OTOG: variants seen among roughly 807,000 people sequenced by gnomAD.
The protein encoded by OTOG is otogelin.
Under a neutral mutation model 313.8 loss-of-function variants are expected in OTOG, and 296 were observed. The ratio of observed to expected loss-of-function variants is 0.94; its 90% CI spans 0.86 to 1.04. OTOG has a LOEUF of 1.04. OTOG is among the 50% of genes least tolerant of loss of function. The pLI is 0.00. For synonymous variants in OTOG, 1,533 were observed against 1,554.9 expected, an observed-to-expected ratio of 0.99 and a Z score of 0.33; for missense variants, 3,948 against 3,840.1, an observed-to-expected ratio of 1.03 and a Z score of -0.74.
intron 15 of OTOG, among the ~76,000 whole-genome samples, chr11:17,563,391 G>A (rs1386883136): frequency 6.6e-6 from 1 of 152,234 alleles, no homozygotes; most frequent in Admixed American, 6.5e-5. Context: ...AGCTGAAGGT[G>A]TCACTCCATG....
At chr11:17,612,404 C>T (rs1401343233) in intron 37 of OTOG, 74 bp downstream of exon 37, 1 of 1,463,920 alleles carries the variant, frequency 6.8e-7, no homozygotes, top group East Asian at 2.5e-5. Flanking sequence ...CATCCCTGAT[C>T]TGTGTGTCCC....
At position 17,548,164 on chromosome 11, in the gene OTOG, G is replaced by C. The variant is rs376286628; in HGVS notation, c.168G>C (p.Gln56His). 32 of 1,548,102 alleles carry C rather than the reference G, an allele frequency of 2.1e-5. No individual in the cohort carries two copies. The highest frequency in any genetic ancestry group is 1.6e-4 in the South Asian group (13 of 83,546). ...GTGTTTCCTCCAGCAGCAGCCACCAGGAGGCGACCCTTGCCATGGGGGACA... is the reference window on the plus strand; with the variant it reads ...GTGTTTCCTCCAGCAGCAGCCACCACGAGGCGACCCTTGCCATGGGGGACA... ...EPAGQPSSSHQEATLAMGDKA... is the reference protein window; with the variant it reads ...EPAGQPSSSHHEATLAMGDKA... Residue 56 changes from glutamine to histidine, a missense_variant, in exon 3 of 56, where the codon CAG becomes CAC. Gln to His is a conservative substitution (Grantham distance 24, BLOSUM62 0). Coordinates refer to ENST00000399397, the MANE Select transcript of OTOG (RefSeq NM_001292063.2).
At chr11:17,552,533 C>T (rs1291662226) in intron 4 of OTOG, among the ~76,000 whole-genome samples, 3 of 138,840 alleles carry the variant, frequency 2.2e-5, no homozygotes, top group African/African-American at 9.1e-5. Context: ...CCTACCTCCC[C>T]CACCTGTCCT....
chr11:17,580,023 TA>T (rs1169925504), intron 23 of OTOG, among the ~76,000 whole-genome samples: 3 of 152,220 alleles, frequency 2.0e-5, no homozygotes, highest in Admixed American at 6.5e-5. Flanking sequence ...CTTGCTGGGA[TA>T]GGGCTCCCAA....
intron 32 of OTOG, among the ~76,000 whole-genome samples, chr11:17,604,391 G>T (rs1043876765): frequency 2.0e-5 from 3 of 152,174 alleles, no homozygotes; most frequent in Admixed American, 2.0e-4. Context: ...CCAGTGGAGC[G>T]GGCTGGGGCT....
At chr11:17,579,511 C>A (rs527697659) in intron 23 of OTOG, among the ~76,000 whole-genome samples, 1 of 152,250 alleles carries the variant, frequency 6.6e-6, no homozygotes, top group South Asian at 2.1e-4. Flanking sequence ...CCAAGCCCAG[C>A]CGCTGGCCCA....
chr11:17,644,948 C>T (rs532703107), intron 54 of OTOG, among the ~76,000 whole-genome samples: 13 of 152,136 alleles, frequency 8.5e-5, no homozygotes, highest in African/African-American at 3.1e-4. Context: ...GAGGTGAGGG[C>T]GTGAATGAGC....
Position 17,606,147 on chromosome 11 carries a change from C to T in OTOG, c.4156+12C>T, listed in dbSNP as rs1480434391. The T allele has an allele frequency of 2.0e-6, 3 of 1,517,862 alleles. No homozygotes were observed. The highest frequency in any genetic ancestry group is 2.7e-6 in the Non-Finnish European group (3 of 1,128,778). 94.0% of individuals were successfully genotyped at this position (1,517,862 alleles called of 1,614,324 possible). A position where few individuals can be genotyped will look rare whatever the true frequency, so the allele number is the denominator to read the frequency against. On this transcript the variant is annotated intron_variant, in intron 33 of 55. Transcript: ENST00000399397. ...CTTCCGCCTTCTGGGTAGGCGACCCCCTGCCATTGCCCTCGGCCCTTTGGC... is the reference window on the plus strand; with the variant it reads ...CTTCCGCCTTCTGGGTAGGCGACCCTCTGCCATTGCCCTCGGCCCTTTGGC...
intron 23 of OTOG, 47 bp from the exon 24 acceptor site, chr11:17,586,423 CAGCT>C: frequency 8.8e-7 from 1 of 1,134,464 alleles, no homozygotes; most frequent in South Asian, 2.9e-5. Flanking sequence ...CCACAGATGG[CAGCT>C]ATGGGAAGAG....
intron 27 of OTOG, 49 bp from the exon 28 acceptor site, chr11:17,593,998 T>C: frequency 6.5e-7 from 1 of 1,549,778 alleles, no homozygotes; most frequent in Non-Finnish European, 8.7e-7. Flanking sequence ...TGCCCGTGGC[T>C]CACCTCTGGC....
At chr11:17,578,219 G>A (rs904600412) in intron 22 of OTOG, 154 bp from the exon 23 acceptor site, 1 of 1,385,292 alleles carries the variant, frequency 7.2e-7, no homozygotes, top group Non-Finnish European at 9.3e-7. Context: ...CCTCTGTGAG[G>A]CGTATCTGGG....
chr11:17,639,091 C>G (rs950769519), intron 48 of OTOG, among the ~76,000 whole-genome samples: 2 of 152,224 alleles, frequency 1.3e-5, no homozygotes, highest in South Asian at 2.1e-4. Flanking sequence ...AGAATAGGCT[C>G]TGGACCAGGT....
chr11:17,609,974 C>A lies in OTOG; in HGVS notation c.4674C>A (p.Leu1558=), dbSNP rs1349299410. The A allele has an allele frequency of 5.8e-6, 9 of 1,543,028 alleles. No individual in the cohort carries two copies. The East Asian group carries it at 1.5e-4, about 25-fold the overall frequency. ...CCAGCAAGGGAGTGACTGCCAGCCT[C>A]CTGGCCATCCCCCATACACCAGAGT... ...SPASKGVTAS[L]LAIPHTPESS... is the part of the protein sequence containing the mutation. Residue 1558 remains leucine, a synonymous_variant, in exon 36 of 56, where the codon CTC becomes CTA. Coordinates refer to ENST00000399397, the MANE Select transcript of OTOG (RefSeq NM_001292063.2).
At chr11:17,592,350 G>A (rs1380601250) in intron 25 of OTOG, among the ~76,000 whole-genome samples, 2 of 152,142 alleles carry the variant, frequency 1.3e-5, no homozygotes, top group African/African-American at 4.8e-5. Context: ...GCACTGTACT[G>A]GGGTCTTTCA....
intron 40 of OTOG, among the ~76,000 whole-genome samples, chr11:17,629,993 A>T (rs1031095765): frequency 1.3e-5 from 2 of 151,836 alleles, no homozygotes; most frequent in East Asian, 3.9e-4. Context: ...ACACACACAT[A>T]CACACACACA....
rs876657938 is a variant in OTOG, at chr11:17,591,521, G to T, written c.2939G>T (p.Arg980Leu). Residue 980 changes from arginine to leucine, a missense_variant, in exon 25 of 56, where the codon CGG (arginine) becomes CTG (leucine). Physicochemically the swap from Arg to Leu is moderately radical, Grantham distance 102. Transcript: ENST00000399397. ...CASTCTAYGDRHYRTFDGLPF... is the reference protein window; with the variant it reads ...CASTCTAYGDLHYRTFDGLPF... The stretch of plus-strand genomic sequence containing the variant: ...TCCACCTGCACTGCCTATGGGGACC[G>T]GCATTACCGCACGTTTGATGGGCTC... 1 of 1,550,562 alleles carries T rather than the reference G, an allele frequency of 6.4e-7. No homozygotes were observed. Among genetic ancestry groups the T allele is most frequent in the Non-Finnish European group, 8.7e-7 (1 of 1,147,028 alleles).
intron 25 of OTOG, among the ~76,000 whole-genome samples, chr11:17,591,912 G>A (rs374441317): frequency 7.2e-4 from 110 of 152,254 alleles, no homozygotes; most frequent in South Asian, 2.7e-3. Context: ...CATATTTTGT[G>A]GATTATTTCA....
chr11:17,599,652 CCTGTTCTCTCT>C lies in OTOG; in HGVS notation c.3683-16_3683-6del. 6.4e-7 allele frequency: 1 copy of C among 1,550,602 alleles called. No homozygotes were observed. The highest frequency in any genetic ancestry group is 2.4e-5 in the East Asian group (1 of 40,904). ...GCTCTGGGCTGGCTCTCAGGAAGTTCCTGTTCTCTCTCTTTCAGCGTATGACTGTGACTTCT... is the reference window on the plus strand; with the variant it reads ...GCTCTGGGCTGGCTCTCAGGAAGTTCCTTTCAGCGTATGACTGTGACTTCT... On this transcript the variant is annotated splice_region_variant and splice_polypyrimidine_tract_variant and intron_variant, in intron 30 of 55. Transcript: ENST00000399397.
intron 36 of OTOG, among the ~76,000 whole-genome samples, chr11:17,611,747 G>A (rs1853554221): frequency 6.6e-6 from 1 of 152,166 alleles, no homozygotes; most frequent in Non-Finnish European, 1.5e-5. Flanking sequence ...ATCTGCATGT[G>A]CTCTTGTGTG....
Sources: gnomAD v4.1 joint callset for allele counts (sites outside exome capture counted in the v4.1 genomes callset) on GRCh38, gnomAD v4.1.1 for gene constraint, MANE v1.5 for transcripts, NCBI Gene and HGNC (gene_info 2026-07-23, HGNC 2026-07-21) for gene names.